The following ABCC10 variants were observed in gnomAD, a reference collection of about 807,000 sequenced individuals.
ABCC10 encodes the protein ATP-binding cassette sub-family C member 10.
A neutral mutation model predicts 143.2 loss-of-function variants in ABCC10; 110 were observed. The ratio of observed to expected loss-of-function variants is 0.77; its 90% CI spans 0.66 to 0.90. ABCC10 has a LOEUF of 0.90. ABCC10 is among the 40% of genes least tolerant of loss of function. ABCC10 has a pLI of 0.00. For missense variants in ABCC10, 1,700 were observed against 1,900.5 expected, an observed-to-expected ratio of 0.89 and a Z score of 1.96; for synonymous variants, 805 against 846.7, an observed-to-expected ratio of 0.95 and a Z score of 0.85.
Position 43,442,980 on chromosome 6 carries a change from T to G in ABCC10, c.2237T>G (p.Leu746Arg), listed in dbSNP as rs376374808. The G allele has an allele frequency of 1.9e-6, 3 of 1,591,542 alleles. No individual in the cohort carries two copies. Among genetic ancestry groups the G allele is most frequent in the Non-Finnish European group, 1.7e-6 (2 of 1,169,140 alleles). ...LARAVYQEKE[L>R]YLLDDPLAAV... is the part of the protein sequence containing the mutation. ...CTCACGTCTCCATAGGAAAAGGAGCTCTATCTCCTCGATGACCCTCTGGCC... is the reference window on the plus strand; with the variant it reads ...CTCACGTCTCCATAGGAAAAGGAGCGCTATCTCCTCGATGACCCTCTGGCC... The change falls in exon 10 of 22, where the codon CTC becomes CGC. Residue 746 changes from leucine to arginine, a missense_variant. Physicochemically the swap from Leu to Arg is moderately radical, Grantham distance 102. Coordinates refer to ENST00000372530, the MANE Select transcript of ABCC10 (RefSeq NM_001198934.2).
rs538867404 is a variant in ABCC10, at chr6:43,432,962, C to A, written c.982C>A (p.Leu328Met). ...EPLSHGLLYALGLAGGAVLGA... is the reference protein window; with the variant it reads ...EPLSHGLLYAMGLAGGAVLGA... ...ACTAAGCCACGGCCTGCTCTATGCT[C>A]TGGGGCTAGCCGGTGGGGCTGTGCT... The change falls in exon 3 of 22, where the codon CTG (leucine) becomes ATG (methionine). Residue 328 changes from leucine (L) to methionine (M), a missense_variant. Leu to Met is a conservative substitution (Grantham distance 15). Transcript: ENST00000372530. 6.2e-7 allele frequency: 1 copy of A among 1,614,070 alleles called. No homozygotes were observed. Among genetic ancestry groups the A allele is most frequent in the Non-Finnish European group, 8.5e-7 (1 of 1,180,038 alleles).
At position 43,443,237 on chromosome 6, in the gene ABCC10, C is replaced by G. The variant is rs1782677527; in HGVS notation, c.2416+78C>G. On this transcript the variant is annotated intron_variant, in intron 10 of 21. Transcript: ENST00000372530. This position sits in a 1 kb window ranked among gnomAD's most constrained non-coding sequence, Gnocchi z 4.2. Reference sequence around the variant, plus strand: ...GGGATTGTGAAGTACAGACTCTGCCCCCTGCTGCATGTGTGCCCTGAGCCA... The same window carrying G: ...GGGATTGTGAAGTACAGACTCTGCCGCCTGCTGCATGTGTGCCCTGAGCCA... The G allele has an allele frequency of 5.8e-6, 8 of 1,390,798 alleles. 1 individual carries two copies. The South Asian group carries it at 1.2e-4, about 20-fold the overall frequency. The allele number at this position is 1,390,798 out of a possible 1,614,324, so 86.2% of individuals were successfully genotyped here. A position where few individuals can be genotyped will look rare whatever the true frequency, so the allele number is the denominator to read the frequency against.
chr6:43,432,230 C>T lies in ABCC10; in HGVS notation c.250C>T (p.Leu84Phe), dbSNP rs776083630. ...GCTTTCCGTCTTCCCGCTGCTAGACCTTCTTCCAGTTGCTTTGCCACCAGG... is the reference window on the plus strand; with the variant it reads ...GCTTTCCGTCTTCCCGCTGCTAGACTTTCTTCCAGTTGCTTTGCCACCAGG... The part of the protein sequence containing the change: ...FLLSVFPLLD[L>F]LPVALPPGAG... Residue 84 changes from leucine to phenylalanine, a missense_variant, in exon 3 of 22, where the codon CTT becomes TTT. Transcript: ENST00000372530. 4 of 1,614,128 alleles carry T rather than the reference C, an allele frequency of 2.5e-6. No homozygotes were observed. The highest frequency in any genetic ancestry group is 2.7e-5 in the African/African-American group (2 of 74,946).
intron 16 of ABCC10, 127 bp downstream of exon 16, chr6:43,446,573 T>A (rs535189964): frequency 7.0e-5 from 101 of 1,434,172 alleles, no homozygotes; most frequent in Non-Finnish European, 8.9e-5. Context: ...GGATGTATCA[T>A]GATTATCATC....
Position 43,436,001 on chromosome 6 carries a change from G to A in ABCC10, c.1765+94G>A, listed in dbSNP as rs1286371963. 3.8e-6 allele frequency: 6 copies of A among 1,597,898 alleles called. No individual in the cohort carries two copies. In the East Asian group the frequency reaches 9.0e-5, roughly 24 times the overall value. On this transcript the variant is annotated intron_variant, in intron 5 of 21. Coordinates refer to ENST00000372530, the MANE Select transcript of ABCC10 (RefSeq NM_001198934.2). ...GCATAGATGTCACCAAGAGGGCTTA[G>A]AGAGAGCGGAATCCAAAACAGACTC...
At chr6:43,439,568 A>G (rs1413388473) in intron 8 of ABCC10, among the ~76,000 whole-genome samples, 1 of 151,116 alleles carries the variant, frequency 6.6e-6, no homozygotes, top group African/African-American at 2.4e-5. Flanking sequence ...ACACCCAGCT[A>G]ATTTTCGTTT....
intron 9 of ABCC10, among the ~76,000 whole-genome samples, 182 bp from the exon 10 acceptor site, chr6:43,442,788 C>T (rs536196267): frequency 1.3e-5 from 2 of 152,088 alleles, no homozygotes; most frequent in East Asian, 3.9e-4. Flanking sequence ...AAGCTGAGTG[C>T]TGGCCCTGGG....
chr6:43,432,796 G>A lies in ABCC10; in HGVS notation c.816G>A (p.Arg272=). ...VFQAHWQEGA[R]LWRALYGAFG... ...AGGCACACTGGCAGGAGGGGGCACGGCTGTGGAGGGCCTTGTATGGGGCCT... is the reference window on the plus strand; with the variant it reads ...AGGCACACTGGCAGGAGGGGGCACGACTGTGGAGGGCCTTGTATGGGGCCT... Residue 272 remains arginine, a synonymous_variant, in exon 3 of 22, where the codon CGG becomes CGA. Transcript: ENST00000372530. 6.2e-7 allele frequency: 1 copy of A among 1,614,172 alleles called. No individual in the cohort carries two copies. The highest frequency in any genetic ancestry group is 1.7e-5 in the Admixed American group (1 of 60,026).
intron 9 of ABCC10, 145 bp downstream of exon 9, chr6:43,442,105 A>G (rs1263484536): frequency 4.7e-6 from 3 of 633,618 alleles, no homozygotes; most frequent in Non-Finnish European, 8.1e-6. Flanking sequence ...GGTATTGGCC[A>G]TCTCATCCCC....
rs201244765 is a variant in ABCC10, at chr6:43,449,102, T to C, written c.4106-5T>C. On this transcript the variant is annotated splice_polypyrimidine_tract_variant and splice_region_variant and intron_variant, in intron 19 of 21. Transcript: ENST00000372530. ...GGCCCTGCAACGAAGATGCTTTCCTTGCAGGTGGTCTGGATGGTGAGCTGG... is the reference window on the plus strand; with the variant it reads ...GGCCCTGCAACGAAGATGCTTTCCTCGCAGGTGGTCTGGATGGTGAGCTGG... 6,099 of 1,614,104 alleles carry C rather than the reference T, an allele frequency of 3.8e-3. 16 individuals carry two copies. Among genetic ancestry groups the C allele is most frequent in the Non-Finnish European group, 4.7e-3 (5,544 of 1,179,988 alleles).
At position 43,443,229 on chromosome 6, in the gene ABCC10, A is replaced by C; in HGVS notation, c.2416+70A>C. On this transcript the variant is annotated intron_variant, in intron 10 of 21. Transcript: ENST00000372530. This position sits in a 1 kb window ranked among gnomAD's most constrained non-coding sequence, Gnocchi z 4.2. ...TCTGGCAGGGGATTGTGAAGTACAG[A>C]CTCTGCCCCCTGCTGCATGTGTGCC... is the stretch of plus-strand genomic sequence containing the variant. The C allele has an allele frequency of 7.0e-7, 1 of 1,424,054 alleles. No homozygotes were observed. The allele number at this position is 1,424,054 out of a possible 1,614,324, so 88.2% of individuals were successfully genotyped here.
At position 43,446,413 on chromosome 6, in the gene ABCC10, C is replaced by G; in HGVS notation, c.3511C>G (p.Leu1171Val). The change falls in exon 16 of 22, where the codon CTG (leucine) becomes GTG (valine). Residue 1171 changes from leucine to valine, a missense_variant. Leu to Val is a conservative substitution (Grantham distance 32). Transcript: ENST00000372530. Reference sequence around the variant, plus strand: ...GGTCAGCGCTATCGCAGGCATCGCTCTGGTGCAGCACCAGCAGGGCCTCGC... The same window carrying G: ...GGTCAGCGCTATCGCAGGCATCGCTGTGGTGCAGCACCAGCAGGGCCTCGC... ...AVVSAIAGIALVQHQQGLANP... is the reference protein window; with the variant it reads ...AVVSAIAGIAVVQHQQGLANP... 1.2e-6 allele frequency: 2 copies of G among 1,612,354 alleles called. No homozygotes were observed. The highest frequency in any genetic ancestry group is 1.7e-6 in the Non-Finnish European group (2 of 1,179,838).
chr6:43,446,729 C>T (rs986677248), intron 16 of ABCC10: 76 of 1,267,710 alleles, frequency 6.0e-5, no homozygotes, highest in Admixed American at 3.5e-4. Flanking sequence ...TGCCCCAGCC[C>T]GCTTCAGTCT....
intron 8 of ABCC10, among the ~76,000 whole-genome samples, chr6:43,441,145 A>G (rs192329541): frequency 6.6e-6 from 1 of 151,912 alleles, no homozygotes; most frequent in Admixed American, 6.6e-5. Flanking sequence ...TTTTACATCA[A>G]ATCTGCCCAA....
At position 43,446,325 on chromosome 6, in the gene ABCC10, G is replaced by C. The variant is rs1422899369; in HGVS notation, c.3423G>C (p.Gln1141His). 1.2e-6 allele frequency: 2 copies of C among 1,613,992 alleles called. No homozygotes were observed. The highest frequency in any genetic ancestry group is 3.3e-5 in the Admixed American group (2 of 60,008). Residue 1141 changes from glutamine to histidine, a missense_variant, in exon 16 of 22, where the codon CAG becomes CAC. Physicochemically the swap from Gln to His is conservative, Grantham distance 24. Coordinates refer to ENST00000372530, the MANE Select transcript of ABCC10 (RefSeq NM_001198934.2). ...TCCTTGAGCTAAACCAGAGGTGCCA[G>C]TTTGCCACCAGTGCCACAATGCAGT... Reference protein sequence around the residue: ...LRLLELNQRCQFATSATMQWL... With the variant: ...LRLLELNQRCHFATSATMQWL...
downstream of ABCC10, among the ~76,000 whole-genome samples, chr6:43,451,533 C>T (rs1431997212): frequency 1.3e-5 from 2 of 152,188 alleles, no homozygotes; most frequent in African/African-American, 4.8e-5. This position sits in a 1 kb window ranked among gnomAD's most constrained non-coding sequence, Gnocchi z 4.4. Flanking sequence ...TATTATTATC[C>T]TCACAGGCTC....
At chr6:43,451,181 G>A, downstream of ABCC10, 1 of 1,614,196 alleles carries the variant, frequency 6.2e-7, no homozygotes. This position sits in a 1 kb window ranked among gnomAD's most constrained non-coding sequence, Gnocchi z 4.4. Flanking sequence ...TTACCTCACA[G>A]CGGGCACCCA....
intron 8 of ABCC10, among the ~76,000 whole-genome samples, chr6:43,440,523 G>C (rs1782282543): frequency 6.6e-6 from 1 of 152,026 alleles, no homozygotes; most frequent in African/African-American, 2.4e-5. Context: ...AGCATTTTGG[G>C]AGGCCAAGGA....
At chr6:43,445,473 G>A in intron 14 of ABCC10, 126 bp from the exon 15 acceptor site, 2 of 1,368,362 alleles carry the variant, frequency 1.5e-6, no homozygotes, top group Non-Finnish European at 2.0e-6. Context: ...CCAAATTCTG[G>A]GGATATTTTA....
Sources: gnomAD v4.1 joint callset for allele counts (sites outside exome capture counted in the v4.1 genomes callset) on GRCh38, gnomAD v4.1.1 for gene constraint, Gnocchi (gnomAD v3.1) non-coding constraint, MANE v1.5 for transcripts, NCBI Gene and HGNC (gene_info 2026-07-23, HGNC 2026-07-21) for gene names.